Variants in RPS6KA2 observed in about 807,000 individuals in gnomAD.
The protein encoded by RPS6KA2 is ribosomal protein S6 kinase A2.
Under a neutral mutation model 91.8 loss-of-function variants are expected in RPS6KA2, and 42 were observed. The observed-to-expected ratio is 0.46, with a 90% CI of 0.36 to 0.59. The LOEUF is 0.59. Among genes scored for constraint, RPS6KA2 ranks in the 20% least tolerant of loss-of-function variants. The pLI is 0.00. For synonymous variants in RPS6KA2, 414 were observed against 393.6 expected, an observed-to-expected ratio of 1.05 and a Z score of -0.61; for missense variants, 798 against 978.5, an observed-to-expected ratio of 0.82 and a Z score of 2.46.
intron 2 of RPS6KA2, among the ~76,000 whole-genome samples, chr6:166,832,711 C>T (rs1190521865): frequency 2.0e-5 from 3 of 152,150 alleles, no homozygotes; most frequent in African/African-American, 7.2e-5. Context: ...TAAATGTTTA[C>T]TTTTGATGTT....
chr6:166,740,554 G>C (rs1046231529), intron 2 of RPS6KA2, among the ~76,000 whole-genome samples: 1 of 152,180 alleles, frequency 6.6e-6, no homozygotes, highest in Non-Finnish European at 1.5e-5. Context: ...AGTGGGAATA[G>C]CTTCTTTAAA....
chr6:166,691,759 A>G (rs1789211391), intron 2 of RPS6KA2, among the ~76,000 whole-genome samples: 1 of 152,228 alleles, frequency 6.6e-6, no homozygotes, highest in Admixed American at 6.5e-5. Context: ...CTTTGGTTTG[A>G]GGCAAAAGCA....
chr6:166,449,837 C>CG (rs1779804944), intron 13 of RPS6KA2, among the ~76,000 whole-genome samples: 1 of 89,058 alleles, frequency 1.1e-5, no homozygotes, highest in Admixed American at 1.2e-4. Flanking sequence ...GGGACCACCA[C>CG]GGGACAACCA....
At chr6:166,615,415 A>G (rs1041991130) in intron 1 of RPS6KA2, among the ~76,000 whole-genome samples, 1 of 152,254 alleles carries the variant, frequency 6.6e-6, no homozygotes, top group Non-Finnish European at 1.5e-5. Flanking sequence ...TAAAGGGAGG[A>G]GTAAGAAAAG....
At chr6:166,786,770 A>T (rs1406014145) in intron 2 of RPS6KA2, among the ~76,000 whole-genome samples, 1 of 152,194 alleles carries the variant, frequency 6.6e-6, no homozygotes, top group Non-Finnish European at 1.5e-5. Context: ...GTAATTGTGT[A>T]ATTTAGTGCT....
chr6:166,680,883 A>C (rs1287011853), intron 2 of RPS6KA2, among the ~76,000 whole-genome samples: 1 of 152,230 alleles, frequency 6.6e-6, no homozygotes, highest in Non-Finnish European at 1.5e-5. Flanking sequence ...CACAGTTCAA[A>C]CTTCAGTCAG....
intron 2 of RPS6KA2, among the ~76,000 whole-genome samples, chr6:166,836,774 G>A (rs1780328346): frequency 6.6e-6 from 1 of 152,128 alleles, no homozygotes; most frequent in African/African-American, 2.4e-5. Flanking sequence ...ATGTGTCTTC[G>A]AATTGTTAAT....
Position 166,678,400 on chromosome 6 carries a change from C to T in RPS6KA2, c.124-139616G>A, listed in dbSNP as rs116404633. 3.4e-3 allele frequency among the ~76,000 whole-genome samples: 516 copies of T among 152,336 alleles called. 4 individuals carry two copies. Among genetic ancestry groups the T allele is most frequent in the African/African-American group, 0.01 (429 of 41,564 alleles). ...CAAGCCGCCCTGCAAGCCCACTGAC[C>T]GCAGAAGGTTGCCTTCTACAACAGC... is the stretch of plus-strand genomic sequence containing the variant. On this transcript the variant is annotated intron_variant, in intron 2 of 21. Transcript: ENST00000503859.
At chr6:166,669,083 G>A (rs1369157017) in intron 2 of RPS6KA2, among the ~76,000 whole-genome samples, 5 of 151,738 alleles carry the variant, frequency 3.3e-5, no homozygotes, top group Non-Finnish European at 5.9e-5. Context: ...TGGTTGAGAC[G>A]GGGTTTCACC....
At chr6:166,518,761 A>G (rs911012375) in intron 3 of RPS6KA2, among the ~76,000 whole-genome samples, 4 of 152,244 alleles carry the variant, frequency 2.6e-5, no homozygotes, top group Admixed American at 6.5e-5. Flanking sequence ...CCTAGTTTCC[A>G]TATATGAATG....
At chr6:166,641,736 A>ATTC (rs1787442856) in intron 2 of RPS6KA2, among the ~76,000 whole-genome samples, 1 of 90,506 alleles carries the variant, frequency 1.1e-5, no homozygotes, top group Admixed American at 1.0e-4. Context: ...AAAAAAAAAA[A>ATTC]AAAAAAAAAA....
Position 166,419,923 on chromosome 6 carries a change from G to T in RPS6KA2, c.1779C>A (p.Asp593Glu). ...ACAACAGGATCCCCAAACTCCAGAT[G>T]TCACACGCCGCATCATAGCCTTGAC... ...LKRQGYDAAC[D>E]IWSLGILLYT... The change falls in exon 18 of 21, where the codon GAC becomes GAA. Residue 593 changes from aspartate (D) to glutamate (E), a missense_variant. By Grantham distance (45) the Asp-to-Glu change is conservative. Transcript: ENST00000265678. The surrounding 1 kb of genome is among the most constrained non-coding windows in gnomAD (Gnocchi z 5.6). The T allele has an allele frequency of 6.2e-7, 1 of 1,613,970 alleles. No homozygotes were observed. Among genetic ancestry groups the T allele is most frequent in the Non-Finnish European group, 8.5e-7 (1 of 1,179,890 alleles).
At position 166,530,162 on chromosome 6, in the gene RPS6KA2, A is replaced by G. The variant is rs548242171; in HGVS notation, c.298+1070T>C. Reference sequence around the variant, plus strand: ...TGTAGTTGCTGGGGACACTGTTGCAAGACCTAAAAATTCAAGTGCCGCCTT... The same window carrying G: ...TGTAGTTGCTGGGGACACTGTTGCAGGACCTAAAAATTCAAGTGCCGCCTT... On this transcript the variant is annotated intron_variant, in intron 3 of 20. Coordinates refer to ENST00000265678, the MANE Select transcript of RPS6KA2 (RefSeq NM_021135.6). Among the ~76,000 whole-genome samples, 4 of 152,334 alleles carry G rather than the reference A, an allele frequency of 2.6e-5. No homozygotes were observed. The East Asian group carries it at 7.7e-4, about 29-fold the overall frequency.
At chr6:166,427,600 A>G (rs1778971112) in intron 16 of RPS6KA2, among the ~76,000 whole-genome samples, 1 of 152,238 alleles carries the variant, frequency 6.6e-6, no homozygotes, top group South Asian at 2.1e-4. Flanking sequence ...CAACTTCAGC[A>G]AAGTCTCAGG....
chr6:166,850,423 T>C (rs936378135), intron 2 of RPS6KA2, among the ~76,000 whole-genome samples: 3 of 152,196 alleles, frequency 2.0e-5, no homozygotes, highest in African/African-American at 7.2e-5. Context: ...TTTGTAATTC[T>C]TGTAAATCAA....
At chr6:166,486,129 A>C (rs1781399427) in intron 10 of RPS6KA2, among the ~76,000 whole-genome samples, 1 of 152,142 alleles carries the variant, frequency 6.6e-6, no homozygotes, top group South Asian at 2.1e-4. Flanking sequence ...AGGAGTCCTG[A>C]TGACTCTTGG....
At chr6:166,496,595 C>T (rs1427686384) in intron 8 of RPS6KA2, among the ~76,000 whole-genome samples, 1 of 151,938 alleles carries the variant, frequency 6.6e-6, no homozygotes, top group East Asian at 1.9e-4. Context: ...AGCCTGGCCT[C>T]TTGTTCTTTT....
chr6:166,702,268 G>A (rs548223973), intron 2 of RPS6KA2: 3 of 1,613,112 alleles, frequency 1.9e-6, no homozygotes, highest in East Asian at 2.2e-5. Flanking sequence ...GCTTGGACAC[G>A]GATCCTGGAG....
rs966623082 is a variant in RPS6KA2 at position 166,648,014 on chromosome 6, TTACACACA to T, written c.124-109238_124-109231del. 5.9e-5 allele frequency among the ~76,000 whole-genome samples: 6 copies of T among 102,360 alleles called. No homozygotes were observed. Among genetic ancestry groups the T allele is most frequent in the African/African-American group, 2.6e-4 (6 of 23,158 alleles). 67.2% of individuals were successfully genotyped at this position (102,360 alleles called of 152,430 possible). A position where few individuals can be genotyped will look rare whatever the true frequency, so the allele number is the denominator to read the frequency against. On this transcript the variant is annotated intron_variant, in intron 2 of 21. Transcript: ENST00000503859. This position sits in a 1 kb window ranked among gnomAD's most constrained non-coding sequence, Gnocchi z 4.8. ...CGCACATGCTCACACACGCACATGC[TTACACACA>T]TACATACACACATGCTCTCACACAC... is the stretch of plus-strand genomic sequence containing the variant.
Sources: allele counts gnomAD v4.1 joint callset (sites outside exome capture counted in the v4.1 genomes callset), GRCh38; gene constraint gnomAD v4.1.1; non-coding constraint Gnocchi (gnomAD v3.1); transcripts MANE v1.5; gene names NCBI Gene and HGNC (gene_info 2026-07-23, HGNC 2026-07-21).